Variants in PPP4R1 observed in about 807,000 individuals in gnomAD.
PPP4R1 encodes the protein protein phosphatase 4 regulatory subunit 1.
PPP4R1 carries 42 observed loss-of-function variants against 111.2 expected under a neutral mutation model. That is an observed-to-expected ratio of 0.38 (90% CI 0.29 to 0.49). The LOEUF (loss-of-function observed/expected upper bound fraction) is 0.49, where lower values mean the gene tolerates loss of function less well. PPP4R1 is among the 20% of genes least tolerant of loss of function. The probability of loss-of-function intolerance (pLI) is 0.97; values close to 1 mark genes in which losing one functional copy is unlikely to be tolerated. For synonymous variants in PPP4R1, 409 were observed against 405.5 expected (o/e 1.01, Z -0.10); for missense variants, 1,012 against 1,161.6 (o/e 0.87, Z 1.87).
At chr18:9,574,670 C>T (rs1249718070) in intron 10 of PPP4R1, among the ~76,000 whole-genome samples, 3 of 152,126 alleles carry the variant, frequency 2.0e-5, no homozygotes, top group African/African-American at 7.2e-5. Flanking sequence ...ACTGCATGGC[C>T]GGGAGGCTAC....
At position 9,577,791 on chromosome 18, in the gene PPP4R1, C is replaced by A. The variant is rs150505505; in HGVS notation, c.919-600G>T. On this transcript the variant is annotated intron_variant, in intron 9 of 19. Coordinates refer to ENST00000400556, the MANE Select transcript of PPP4R1 (RefSeq NM_001042388.3). ...TATGAAACATTTGCATAGAACAAAA[C>A]TAAAGAAGGTCCTGCTGTGTTCTCA... Among the ~76,000 whole-genome samples, 564 of 152,082 alleles carry A rather than the reference C, an allele frequency of 3.7e-3. 2 individuals carry two copies. The Middle Eastern group carries it at 0.058, about 16-fold the overall frequency.
intron 4 of PPP4R1, among the ~76,000 whole-genome samples, chr18:9,590,926 A>C (rs941006802): frequency 6.6e-6 from 1 of 152,230 alleles, no homozygotes; most frequent in African/African-American, 2.4e-5. Context: ...TGCAAAGAGA[A>C]GCCACAGAGT....
chr18:9,614,419 G>A lies in PPP4R1; in HGVS notation c.7+59C>T. The A allele has an allele frequency of 2.0e-6, 2 of 1,012,146 alleles. No individual in the cohort carries two copies. The highest frequency in any genetic ancestry group is 4.5e-5 in the South Asian group (1 of 22,224). The allele number at this position is 1,012,146 out of a possible 1,614,324, so 62.7% of individuals were successfully genotyped here. A position where few individuals can be genotyped will look rare whatever the true frequency, so the allele number is the denominator to read the frequency against. Reference sequence around the variant, plus strand: ...CGGCCCGGCAGCCACTCAGGGCTGCGGCGGAGGGCGGGTGGGCTCGAGGAG... The same window carrying A: ...CGGCCCGGCAGCCACTCAGGGCTGCAGCGGAGGGCGGGTGGGCTCGAGGAG... On this transcript the variant is annotated intron_variant, in intron 1 of 19. Transcript: ENST00000400556. The surrounding 1 kb of genome is among the most constrained non-coding windows in gnomAD (Gnocchi z 4.1).
At chr18:9,609,623 T>C (rs2067543745) in intron 2 of PPP4R1, among the ~76,000 whole-genome samples, 1 of 152,250 alleles carries the variant, frequency 6.6e-6, no homozygotes, top group Non-Finnish European at 1.5e-5. Flanking sequence ...CAAAAACTTT[T>C]CAACGTCATA....
At chr18:9,585,840 G>A (rs1228095131) in intron 6 of PPP4R1, among the ~76,000 whole-genome samples, 1 of 152,082 alleles carries the variant, frequency 6.6e-6, no homozygotes, top group African/African-American at 2.4e-5. Flanking sequence ...ACTTTCTGCT[G>A]AAAACTACAA....
upstream of PPP4R1, chr18:9,614,610 G>A (rs998241789): frequency 2.0e-5 from 10 of 490,604 alleles, no homozygotes; most frequent in Admixed American, 6.7e-5. The surrounding 1 kb of genome is among the most constrained non-coding windows in gnomAD (Gnocchi z 4.1). Flanking sequence ...GCTGGCGGGG[G>A]CGCGCGCGCG....
In PPP4R1 at chr18:9,553,436, A is replaced by G. The variant is rs897616493; in HGVS notation, c.2191-14T>C. ...AATATGAAGAAGCTAAAGTAACAAA[A>G]TAAAAATATTTACCAGGACAAGGTA... On this transcript the variant is annotated splice_polypyrimidine_tract_variant and intron_variant, in intron 15 of 19. Transcript: ENST00000400556. The G allele has an allele frequency of 1.3e-6, 2 of 1,504,402 alleles. No homozygotes were observed. Among genetic ancestry groups the G allele is most frequent in the Non-Finnish European group, 1.8e-6 (2 of 1,086,174 alleles). The allele number at this position is 1,504,402 out of a possible 1,614,324, so 93.2% of individuals were successfully genotyped here. A position where few individuals can be genotyped will look rare whatever the true frequency, so the allele number is the denominator to read the frequency against.
intron 2 of PPP4R1, among the ~76,000 whole-genome samples, chr18:9,605,566 C>CAAAAAAAAAAAAAAAA (rs34208690): frequency 1.5e-5 from 1 of 67,640 alleles, no homozygotes; most frequent in Non-Finnish European, 2.8e-5. Context: ...GCAGTCCTGT[C>CAAAAAAAAAAAAAAAA]AAAAAAAAAA....
At chr18:9,563,028 G>C (rs1242491488) in intron 12 of PPP4R1, 29 of 1,028,558 alleles carry the variant, frequency 2.8e-5, no homozygotes, top group Non-Finnish European at 3.0e-5. Context: ...GAAATGGTCC[G>C]ATCAGAAACA....
intron 11 of PPP4R1, among the ~76,000 whole-genome samples, chr18:9,566,979 T>C (rs2066778460): frequency 6.6e-6 from 1 of 152,200 alleles, no homozygotes; most frequent in African/African-American, 2.4e-5. Context: ...ACAATACCCA[T>C]TCTGCAGCCC....
rs140315847 is a variant in PPP4R1 at position 9,575,271 on chromosome 18, T to G, written c.1046+1793A>C. On this transcript the variant is annotated intron_variant, in intron 10 of 19. Transcript: ENST00000400556. ...CTTTCCATTTACAGTTTCTGGTTCA[T>G]AGGAGGTGCTCAGTTAACTTTTGCA... Among the ~76,000 whole-genome samples the G allele has an allele frequency of 2.1e-3, 317 of 152,334 alleles. 3 individuals carry two copies. The highest frequency in any genetic ancestry group is 7.3e-3 in the African/African-American group (305 of 41,568).
rs548275887 is a variant in PPP4R1, at chr18:9,578,673, C to T, written c.919-1482G>A. On this transcript the variant is annotated intron_variant, in intron 9 of 19. Coordinates refer to ENST00000400556, the MANE Select transcript of PPP4R1 (RefSeq NM_001042388.3). Reference sequence around the variant, plus strand: ...GATATCTATTATTAGTATTTACCTACTCTTGGAGAAGCATACATAAAAAAT... The same window carrying T: ...GATATCTATTATTAGTATTTACCTATTCTTGGAGAAGCATACATAAAAAAT... 2.6e-5 allele frequency among the ~76,000 whole-genome samples: 4 copies of T among 151,902 alleles called. No homozygotes were observed. The South Asian group carries it at 8.3e-4, about 32-fold the overall frequency.
intron 11 of PPP4R1, among the ~76,000 whole-genome samples, chr18:9,569,219 C>T (rs1333003461): frequency 3.3e-5 from 5 of 150,698 alleles, no homozygotes; most frequent in East Asian, 1.9e-4. Flanking sequence ...AGAAGAAAAC[C>T]GGAGTCATTG....
Position 9,614,326 on chromosome 18 carries a change from GCCC to G in PPP4R1, c.8-59_8-57del. ...TCAGCGCCCCGGGGCCCGGCGCGAC[GCCC>G]CCCCCCCGCCCGCCTCCCCCCCGCC... On this transcript the variant is annotated intron_variant, in intron 1 of 19. Transcript: ENST00000400556. The surrounding 1 kb of genome is among the most constrained non-coding windows in gnomAD (Gnocchi z 4.1). 2.1e-6 allele frequency: 2 copies of G among 949,902 alleles called. No homozygotes were observed. Among genetic ancestry groups the G allele is most frequent in the Non-Finnish European group, 2.6e-6 (2 of 777,410 alleles). The allele number at this position is 949,902 out of a possible 1,614,324, so 58.8% of individuals were successfully genotyped here. A position where few individuals can be genotyped will look rare whatever the true frequency, so the allele number is the denominator to read the frequency against.
At chr18:9,602,478 G>A (rs1457638790) in intron 2 of PPP4R1, among the ~76,000 whole-genome samples, 1 of 151,126 alleles carries the variant, frequency 6.6e-6, no homozygotes, top group African/African-American at 2.4e-5. Flanking sequence ...CCCGGGAGGC[G>A]GAGCTTGCAG....
intron 2 of PPP4R1, among the ~76,000 whole-genome samples, chr18:9,608,876 C>T (rs1012177861): frequency 6.6e-6 from 1 of 152,102 alleles, no homozygotes; most frequent in Non-Finnish European, 1.5e-5. Context: ...AGAGATCAAA[C>T]AAATGTGGCA....
chr18:9,576,835 TTG>T (rs1423031827), intron 10 of PPP4R1, among the ~76,000 whole-genome samples: 2 of 152,214 alleles, frequency 1.3e-5, no homozygotes, highest in African/African-American at 4.8e-5. Flanking sequence ...ATCTAGCTAA[TTG>T]TGTTACATGC....
intron 2 of PPP4R1, among the ~76,000 whole-genome samples, chr18:9,612,125 T>C (rs1403687594): frequency 6.6e-6 from 1 of 152,246 alleles, no homozygotes; most frequent in East Asian, 1.9e-4. Flanking sequence ...CTTCCCTTGC[T>C]CTTTTCTCAT....
chr18:9,594,945 C>A (rs557993071), intron 3 of PPP4R1, 73 bp downstream of exon 3: 1 of 1,532,504 alleles, frequency 6.5e-7, no homozygotes, highest in Non-Finnish European at 8.9e-7. Context: ...AAAGTGGATA[C>A]TTTCATTTTC....
Sources: gnomAD v4.1 joint callset for allele counts (sites outside exome capture counted in the v4.1 genomes callset) on GRCh38, gnomAD v4.1.1 for gene constraint, Gnocchi (gnomAD v3.1) non-coding constraint, MANE v1.5 for transcripts, NCBI Gene and HGNC (gene_info 2026-07-23, HGNC 2026-07-21) for gene names.